The following SNX19 variants were observed in gnomAD, a reference collection of about 807,000 sequenced individuals.
SNX19 encodes sorting nexin-19.
SNX19 carries 60 observed loss-of-function variants against 85.2 expected under a neutral mutation model. The observed-to-expected ratio is 0.70, with a 90% CI of 0.57 to 0.87. SNX19 has a LOEUF of 0.87. Among genes scored for constraint, SNX19 ranks in the 40% least tolerant of loss-of-function variants. The pLI is 0.00. For missense variants in SNX19, 1,201 were observed against 1,217.8 expected (o/e 0.99, Z 0.21); for synonymous variants, 520 against 470.0 (o/e 1.11, Z -1.38).
chr11:130,870,067 G>A lies in SNX19; in HGVS notation c.*8355C>T, dbSNP rs1280141199. The stretch of plus-strand genomic sequence containing the variant: ...TGAACATAGAGAAGCAATTGGGTGA[G>A]GCTCCCTGCTAGATGAAGAAAACTT... On this transcript the variant is annotated 3_prime_UTR_variant, in exon 11 of 11. Coordinates refer to ENST00000265909, the MANE Select transcript of SNX19 (RefSeq NM_014758.3). 6.6e-6 allele frequency: 1 copy of A among 152,160 alleles called. No individual in the cohort carries two copies. Among genetic ancestry groups the A allele is most frequent in the Non-Finnish European group, 1.5e-5 (1 of 68,040 alleles). The allele number at this position is 152,160 out of a possible 1,614,324, so 9.4% of individuals were successfully genotyped here.
rs116096558 is a variant in SNX19, at chr11:130,916,403, G to A, written c.-464C>T. ...TCTCCGGGAGCCTCGGCCCTCTGCC[G>A]CCGTAAACCTGGGCGACTGCGCTCC... On this transcript the variant is annotated 5_prime_UTR_variant, in exon 1 of 11. Coordinates refer to ENST00000265909, the MANE Select transcript of SNX19 (RefSeq NM_014758.3). The A allele has an allele frequency of 0.054, 8,438 of 155,868 alleles. 701 individuals are homozygous for A. The highest frequency in any genetic ancestry group is 0.18 in the African/African-American group (7,421 of 41,610). The allele number at this position is 155,868 out of a possible 1,614,324, so 9.7% of individuals were successfully genotyped here.
In SNX19 at chr11:130,914,266, C is replaced by T. The variant is rs1228006527; in HGVS notation, c.1674G>A (p.Lys558=). The T allele has an allele frequency of 6.5e-7, 1 of 1,542,658 alleles. No individual in the cohort carries two copies. The highest frequency in any genetic ancestry group is 2.0e-5 in the Admixed American group (1 of 50,376). ...GCACCCACAGCTTTAATCCTGTTAC[C>T]TTCACAGTATAGAGTGTGTATGGGT... ...GFHPYTLYTV[K]YETALDGENS... is the part of the protein sequence containing the mutation. The change falls in exon 1 of 11, where the codon AAG becomes AAA. Residue 558 remains lysine (K), a splice_region_variant and synonymous_variant. Coordinates refer to ENST00000265909, the MANE Select transcript of SNX19 (RefSeq NM_014758.3).
chr11:130,900,773 C>T (rs1191601138), intron 8 of SNX19, among the ~76,000 whole-genome samples: 1 of 152,054 alleles, frequency 6.6e-6, no homozygotes, highest in Non-Finnish European at 1.5e-5. Flanking sequence ...GTTTTGGGAT[C>T]TTCTCATTTT....
chr11:130,878,438 A>G lies in SNX19; in HGVS notation c.2963T>C (p.Met988Thr). ...ASDTPGNSKR[M>T]GVSS is the part of the protein sequence containing the mutation. ...AATAACCAGCTAAGAGGAGACACCC[A>G]TCCTCTTAGAGTTGCCTGGGGTATC... Residue 988 changes from methionine to threonine, a missense_variant, in exon 11 of 11, where the codon ATG (methionine) becomes ACG (threonine). This residue lies in a region of SNX19 where 285 missense variants were observed against 295.3 expected (regional missense o/e 0.97). Transcript: ENST00000265909. 6.2e-7 allele frequency: 1 copy of G among 1,613,832 alleles called. No homozygotes were observed. Among genetic ancestry groups the G allele is most frequent in the Non-Finnish European group, 8.5e-7 (1 of 1,179,810 alleles).
intron 6 of SNX19, among the ~76,000 whole-genome samples, chr11:130,906,415 T>C (rs996585033): frequency 3.3e-5 from 5 of 152,212 alleles, no homozygotes; most frequent in Non-Finnish European, 7.4e-5. Flanking sequence ...AAACCCACCA[T>C]GGTTGAGAAG....
Position 130,877,189 on chromosome 11 carries a change from T to C in SNX19, c.*1233A>G, listed in dbSNP as rs1189399027. The C allele has an allele frequency of 2.0e-5, 3 of 152,214 alleles. No individual in the cohort carries two copies. The highest frequency in any genetic ancestry group is 7.2e-5 in the African/African-American group (3 of 41,450). The allele number at this position is 152,214 out of a possible 1,614,324, so 9.4% of individuals were successfully genotyped here. A position where few individuals can be genotyped will look rare whatever the true frequency, so the allele number is the denominator to read the frequency against. On this transcript the variant is annotated 3_prime_UTR_variant, in exon 11 of 11. Coordinates refer to ENST00000265909, the MANE Select transcript of SNX19 (RefSeq NM_014758.3). ...GCTCCCAGTGACATCCTTGACATCT[T>C]TTTGCCAGCTATTCACATGCATTTA...
In SNX19 at chr11:130,874,680, T is replaced by C. The variant is rs1433723433; in HGVS notation, c.*3742A>G. 6.6e-6 allele frequency among the ~76,000 whole-genome samples: 1 copy of C among 152,214 alleles called. No homozygotes were observed. Among genetic ancestry groups the C allele is most frequent in the East Asian group, 1.9e-4 (1 of 5,196 alleles). Reference sequence around the variant, plus strand: ...GGACCATAGTTACACATATTTTTACTTCCTCCAGGACCTAACAACTGGTGT... The same window carrying C: ...GGACCATAGTTACACATATTTTTACCTCCTCCAGGACCTAACAACTGGTGT... On this transcript the variant is annotated 3_prime_UTR_variant, in exon 11 of 11. Coordinates refer to ENST00000265909, the MANE Select transcript of SNX19 (RefSeq NM_014758.3).
At position 130,867,706 on chromosome 11, in the gene SNX19, G is replaced by C. The variant is rs1942828607; in HGVS notation, c.*10716C>G. The stretch of plus-strand genomic sequence containing the variant: ...GAGATGCATTTTTAGGACAAACATG[G>C]AGACCATCATCGTTGTTCCGGAATC... On this transcript the variant is annotated 3_prime_UTR_variant, in exon 11 of 11. Coordinates refer to ENST00000265909, the MANE Select transcript of SNX19 (RefSeq NM_014758.3). 6.6e-6 allele frequency: 1 copy of C among 152,150 alleles called. No homozygotes were observed. The highest frequency in any genetic ancestry group is 2.4e-5 in the African/African-American group (1 of 41,422). The allele number at this position is 152,150 out of a possible 1,614,324, so 9.4% of individuals were successfully genotyped here.
At position 130,875,447 on chromosome 11, in the gene SNX19, C is replaced by CTAGT. The variant is rs1449600706; in HGVS notation, c.*2971_*2974dup. On this transcript the variant is annotated 3_prime_UTR_variant, in exon 11 of 11. Transcript: ENST00000265909. ...TCTGCTACAAAGCACTGTGCTGCTT[C>CTAGT]TAGTTAATAATGTACCGTCTCAAAA... 3 of 152,158 alleles carry CTAGT rather than the reference C, an allele frequency of 2.0e-5. No individual in the cohort carries two copies. Among genetic ancestry groups the CTAGT allele is most frequent in the African/African-American group, 4.8e-5 (2 of 41,428 alleles). The allele number at this position is 152,158 out of a possible 1,614,324, so 9.4% of individuals were successfully genotyped here.
intron 3 of SNX19, 62 bp from the exon 4 acceptor site, chr11:130,910,199 T>C: frequency 6.2e-7 from 1 of 1,613,512 alleles, no homozygotes; most frequent in Admixed American, 1.7e-5. Flanking sequence ...TCTCTCCACC[T>C]TGGCTTGGGT....
rs1299079505 is a variant in SNX19 at position 130,874,307 on chromosome 11, C to T, written c.*4115G>A. Among the ~76,000 whole-genome samples, 1 of 152,176 alleles carries T rather than the reference C, an allele frequency of 6.6e-6. No homozygotes were observed. The highest frequency in any genetic ancestry group is 1.5e-5 in the Non-Finnish European group (1 of 68,030). On this transcript the variant is annotated 3_prime_UTR_variant, in exon 11 of 11. Coordinates refer to ENST00000265909, the MANE Select transcript of SNX19 (RefSeq NM_014758.3). ...AAAGTGTTGAGATTATAGGTGTGAG[C>T]CGCTGTGCCCGGCCTAGAAGAGGAT...
At position 130,915,265 on chromosome 11, in the gene SNX19, G is replaced by A. The variant is rs577871054; in HGVS notation, c.675C>T (p.Pro225=). Residue 225 remains proline, a synonymous_variant, in exon 1 of 11, where the codon CCC becomes CCT. Coordinates refer to ENST00000265909, the MANE Select transcript of SNX19 (RefSeq NM_014758.3). ...VVNLLLQGLV[P]KPHLETRTGR... ...CGGTACGAGTCTCCAAGTGGGGCTT[G>A]GGCACCAGCCCTTGAAGCAACAAAT... The A allele has an allele frequency of 4.3e-6, 7 of 1,614,222 alleles. No homozygotes were observed. The highest frequency in any genetic ancestry group is 5.1e-6 in the Non-Finnish European group (6 of 1,180,038).
At position 130,875,743 on chromosome 11, in the gene SNX19, A is replaced by C. The variant is rs1351280007; in HGVS notation, c.*2679T>G. On this transcript the variant is annotated 3_prime_UTR_variant, in exon 11 of 11. Coordinates refer to ENST00000265909, the MANE Select transcript of SNX19 (RefSeq NM_014758.3). ...TAGCATCAGGAGATATACCTAATGT[A>C]AATGACGAGTTAACGGGTGCAGCAC... The C allele has an allele frequency of 6.6e-6, 1 of 152,164 alleles. No homozygotes were observed. Among genetic ancestry groups the C allele is most frequent in the African/African-American group, 2.4e-5 (1 of 41,440 alleles). The allele number at this position is 152,164 out of a possible 1,614,324, so 9.4% of individuals were successfully genotyped here.
rs1942916611 is a variant in SNX19 at position 130,869,303 on chromosome 11, C to T, written c.*9119G>A. The T allele has an allele frequency of 6.6e-6, 1 of 152,208 alleles. No individual in the cohort carries two copies. The highest frequency in any genetic ancestry group is 2.4e-5 in the African/African-American group (1 of 41,454). 9.4% of individuals were successfully genotyped at this position (152,208 alleles called of 1,614,324 possible). On this transcript the variant is annotated 3_prime_UTR_variant, in exon 11 of 11. Coordinates refer to ENST00000265909, the MANE Select transcript of SNX19 (RefSeq NM_014758.3). Reference sequence around the variant, plus strand: ...TTTACGTTTTAAAAGGAAACTTCTTCATTACATTGCCTATCAGTGCAGTTA... The same window carrying T: ...TTTACGTTTTAAAAGGAAACTTCTTTATTACATTGCCTATCAGTGCAGTTA...
At position 130,870,048 on chromosome 11, in the gene SNX19, T is replaced by C. The variant is rs909515585; in HGVS notation, c.*8374A>G. The C allele has an allele frequency of 5.3e-5, 8 of 152,176 alleles. No homozygotes were observed. The highest frequency in any genetic ancestry group is 2.1e-4 in the South Asian group (1 of 4,836). 9.4% of individuals were successfully genotyped at this position (152,176 alleles called of 1,614,324 possible). A position where few individuals can be genotyped will look rare whatever the true frequency, so the allele number is the denominator to read the frequency against. On this transcript the variant is annotated 3_prime_UTR_variant, in exon 11 of 11. Coordinates refer to ENST00000265909, the MANE Select transcript of SNX19 (RefSeq NM_014758.3). ...AACAAAGGAGTTTCAGAAATGAACA[T>C]AGAGAAGCAATTGGGTGAGGCTCCC...
chr11:130,909,938 T>C, intron 4 of SNX19, 80 bp downstream of exon 4: 1 of 1,579,552 alleles, frequency 6.3e-7, no homozygotes, highest in Non-Finnish European at 8.6e-7. Context: ...CTCTTATTTT[T>C]CAAGGACTGC....
intron 7 of SNX19, 154 bp downstream of exon 7, chr11:130,905,799 G>GC: frequency 6.5e-7 from 1 of 1,541,294 alleles, no homozygotes; most frequent in South Asian, 1.2e-5. Flanking sequence ...TCATCTCTGT[G>GC]CCCCAACACA....
intron 2 of SNX19, 34 bp from the exon 3 acceptor site, chr11:130,910,404 C>A: frequency 7.1e-7 from 1 of 1,412,988 alleles, no homozygotes; most frequent in Non-Finnish European, 9.8e-7. Context: ...AATATTCACT[C>A]ATTTAACATT....
intron 8 of SNX19, among the ~76,000 whole-genome samples, chr11:130,891,461 C>G (rs1317064585): frequency 6.6e-6 from 1 of 152,106 alleles, no homozygotes; most frequent in Non-Finnish European, 1.5e-5. Context: ...CTGCCAGTAG[C>G]TTATGTTTGG....
Sources: allele counts gnomAD v4.1 joint callset (sites outside exome capture counted in the v4.1 genomes callset), GRCh38; gene constraint gnomAD v4.1.1; regional missense constraint gnomAD v4.1.1; transcripts MANE v1.5; gene names NCBI Gene and HGNC (gene_info 2026-07-23, HGNC 2026-07-21).